The following ANKRD44 variants were observed in gnomAD, a reference collection of about 807,000 sequenced individuals.
ANKRD44 encodes the protein serine/threonine-protein phosphatase 6 regulatory ankyrin repeat subunit B.
In ANKRD44, 35 loss-of-function variants were observed where a neutral mutation model predicts 116.0. The observed-to-expected ratio is 0.30, with a 90% confidence interval of 0.23 to 0.40. The LOEUF (loss-of-function observed/expected upper bound fraction) is 0.40, where lower values mean the gene tolerates loss of function less well. ANKRD44 is among the 10% of genes least tolerant of loss of function. The pLI is 1.00. For missense variants in ANKRD44, 1,014 were observed against 1,242.6 expected (o/e 0.82, Z 2.77); for synonymous variants, 435 against 461.8 (o/e 0.94, Z 0.74).
rs1216868388 is a variant in ANKRD44 at position 197,147,112 on chromosome 2, T to C, written c.112-7A>G. On this transcript the variant is annotated splice_polypyrimidine_tract_variant and splice_region_variant and intron_variant, in intron 2 of 27. Transcript: ENST00000282272. ...GGGTTCGTTTCTCAGAATCCTGAAA[T>C]ACACAACGTCAAAGACATACAACAG... 1.9e-6 allele frequency: 3 copies of C among 1,613,474 alleles called. No individual in the cohort carries two copies. The highest frequency in any genetic ancestry group is 3.3e-5 in the Admixed American group (2 of 60,008).
At chr2:197,119,448 T>C (rs1266143094) in intron 8 of ANKRD44, among the ~76,000 whole-genome samples, 1 of 152,148 alleles carries the variant, frequency 6.6e-6, no homozygotes, top group Admixed American at 6.5e-5. Context: ...AGGATCTCAC[T>C]AGGTTGCTCA....
At chr2:197,305,432 T>C (rs1574484716) in intron 1 of ANKRD44, among the ~76,000 whole-genome samples, 1 of 152,234 alleles carries the variant, frequency 6.6e-6, no homozygotes, top group Non-Finnish European at 1.5e-5. Context: ...CTGCCTGTTT[T>C]TAAATTATTT....
At chr2:197,035,170 CTGAGT>C (rs1356016231) in intron 16 of ANKRD44, among the ~76,000 whole-genome samples, 1 of 152,082 alleles carries the variant, frequency 6.6e-6, no homozygotes, top group African/African-American at 2.4e-5. Flanking sequence ...CAACTGGCTG[CTGAGT>C]TAACAAAACA....
At chr2:197,186,612 CTTTTTTTTTTTTTT>C (rs149107038) in intron 2 of ANKRD44, among the ~76,000 whole-genome samples, 721 of 50,822 alleles carry the variant, frequency 0.014, 9 homozygotes, top group African/African-American at 0.019. Context: ...GCTAATTTTT[CTTTTTTTTTTTTTT>C]TTTTTTTTTT....
At position 197,253,502 on chromosome 2, in the gene ANKRD44, CAAT is replaced by C. The variant is rs139977759; in HGVS notation, c.27+57073_27+57075del. Reference sequence around the variant, plus strand: ...ATAGTAGGTGGTTTAATAATGTCTTCAATAATGTTGATTTCTGCATTATTCTAC... The same window carrying C: ...ATAGTAGGTGGTTTAATAATGTCTTCAATGTTGATTTCTGCATTATTCTAC... On this transcript the variant is annotated intron_variant, in intron 1 of 27. Transcript: ENST00000282272. Among the ~76,000 whole-genome samples the C allele has an allele frequency of 3.0e-3, 464 of 152,144 alleles. 2 individuals carry two copies. Among genetic ancestry groups the C allele is most frequent in the African/African-American group, 0.011 (446 of 41,496 alleles).
Position 197,216,869 on chromosome 2 carries a change from AAC to A in ANKRD44, c.28-29765_28-29764del, listed in dbSNP as rs61641385. The stretch of plus-strand genomic sequence containing the variant: ...GCTTTGTCAGCAAGCACATTGGTTA[AAC>A]ACACACACACACACACACACACACA... On this transcript the variant is annotated intron_variant, in intron 1 of 27. Coordinates refer to ENST00000282272, the MANE Select transcript of ANKRD44 (RefSeq NM_001195144.2). Among the ~76,000 whole-genome samples the A allele has an allele frequency of 6.9e-3, 964 of 139,820 alleles. 16 individuals are homozygous for A. Among genetic ancestry groups the A allele is most frequent in the African/African-American group, 0.025 (911 of 36,170 alleles). The allele number at this position is 139,820 out of a possible 152,430, so 91.7% of individuals were successfully genotyped here.
intron 4 of ANKRD44, among the ~76,000 whole-genome samples, chr2:197,131,434 G>A (rs868040455): frequency 1.3e-5 from 2 of 151,856 alleles, no homozygotes; most frequent in South Asian, 2.1e-4. Flanking sequence ...CTCGTGATCC[G>A]CCCGCCTCGG....
chr2:197,105,940 A>G (rs993236018), intron 9 of ANKRD44, among the ~76,000 whole-genome samples: 4 of 152,198 alleles, frequency 2.6e-5, no homozygotes, highest in African/African-American at 9.7e-5. Context: ...CACTCCATCA[A>G]TCCACATCCT....
exon 22 of ANKRD44, chr2:196,967,304 TC>T: frequency 5.4e-6 from 2 of 372,126 alleles, no homozygotes; most frequent in Non-Finnish European, 1.2e-5. Context: ...TTACTCCCTT[TC>T]CCTTCCCCAA....
chr2:197,257,419 T>A (rs1162720245), intron 1 of ANKRD44, among the ~76,000 whole-genome samples: 1 of 151,908 alleles, frequency 6.6e-6, no homozygotes, highest in Non-Finnish European at 1.5e-5. Flanking sequence ...GCAGTAACAG[T>A]CAGCTTTTTA....
chr2:197,133,500 C>T (rs2079138674), intron 4 of ANKRD44, among the ~76,000 whole-genome samples: 1 of 152,116 alleles, frequency 6.6e-6, no homozygotes, highest in South Asian at 2.1e-4. Context: ...AACCTCAAAC[C>T]CTGAGAGATC....
intron 7 of ANKRD44, 141 bp from the exon 8 acceptor site, chr2:197,121,685 G>C: frequency 1.3e-6 from 1 of 756,414 alleles, no homozygotes; most frequent in Non-Finnish European, 2.2e-6. Flanking sequence ...TCTTGCCCCA[G>C]TGTGGTCATC....
intron 15 of ANKRD44, among the ~76,000 whole-genome samples, chr2:197,080,472 A>G (rs1446606037): frequency 2.0e-5 from 3 of 151,800 alleles, no homozygotes; most frequent in Non-Finnish European, 4.4e-5. Context: ...CTGCCCCCCT[A>G]CCTTTCTTGT....
chr2:197,214,660 G>C (rs115815972), intron 1 of ANKRD44, among the ~76,000 whole-genome samples: 2,877 of 152,210 alleles, frequency 0.019, 89 homozygotes, highest in African/African-American at 0.064. Context: ...GAAAAGAAAT[G>C]CTATAAAAAC....
chr2:197,003,939 C>T (rs933408498), intron 21 of ANKRD44, among the ~76,000 whole-genome samples: 8 of 151,760 alleles, frequency 5.3e-5, no homozygotes, highest in Admixed American at 1.3e-4. Context: ...AAAAGAGGAC[C>T]GTAGTGAAAA....
At chr2:197,228,387 C>A (rs370189820) in intron 1 of ANKRD44, among the ~76,000 whole-genome samples, 76 of 152,334 alleles carry the variant, frequency 5.0e-4, no homozygotes, top group African/African-American at 1.7e-3. Flanking sequence ...CACGAGCTCT[C>A]CCTCCTGACA....
intron 17 of ANKRD44, among the ~76,000 whole-genome samples, chr2:197,021,446 A>G (rs2076496601): frequency 6.6e-6 from 1 of 152,184 alleles, no homozygotes; most frequent in African/African-American, 2.4e-5. Flanking sequence ...ATTTCTCCAC[A>G]TCCTCTCCAG....
chr2:197,123,790 TG>T (rs1027938860), intron 6 of ANKRD44, among the ~76,000 whole-genome samples: 2 of 151,812 alleles, frequency 1.3e-5, no homozygotes, highest in Non-Finnish European at 2.9e-5. Context: ...TGTGTTGGGG[TG>T]GGGGGAAAGT....
intron 1 of ANKRD44, among the ~76,000 whole-genome samples, chr2:197,254,482 G>A (rs371526703): frequency 5.6e-4 from 85 of 152,216 alleles, no homozygotes; most frequent in African/African-American, 1.5e-3. Context: ...TCCTAACAGC[G>A]GAGGAGCATC....
Sources: gnomAD v4.1 joint callset for allele counts (sites outside exome capture counted in the v4.1 genomes callset) on GRCh38, gnomAD v4.1.1 for gene constraint, MANE v1.5 for transcripts, NCBI Gene and HGNC (gene_info 2026-07-23, HGNC 2026-07-21) for gene names.